FRYL: variants seen among roughly 807,000 people sequenced by gnomAD.
FRYL encodes FRY like transcription coactivator.
FRYL carries 150 observed loss-of-function variants against 351.2 expected under a neutral mutation model. The ratio of observed to expected loss-of-function variants is 0.43; its 90% CI spans 0.37 to 0.49. The LOEUF is 0.49. Ranked by LOEUF, FRYL falls within the 20% of genes least tolerant of loss-of-function variation. FRYL has a pLI of 0.00. For missense variants in FRYL, 3,036 were observed against 3,619.3 expected (o/e 0.84, Z 4.13); for synonymous variants, 1,153 against 1,257.1 (o/e 0.92, Z 1.75).
Position 48,557,642 on chromosome 4 carries a change from C to T in FRYL, c.3936G>A (p.Trp1312Ter). 1 of 1,614,136 alleles carries T rather than the reference C, an allele frequency of 6.2e-7. No individual in the cohort carries two copies. The highest frequency in any genetic ancestry group is 8.5e-7 in the Non-Finnish European group (1 of 1,180,022). Residue 1312 changes from tryptophan (W) to a stop codon, truncating the protein, a stop_gained, in exon 34 of 64, where the codon TGG (tryptophan) becomes TGA (stop). Transcript: ENST00000358350. LOFTEE classifies it high-confidence loss of function. ...RQVMLHYLLP[W>*]MNNIELVDLK... is the part of the protein sequence containing the mutation. ...AGTCCACCAGCTCGATGTTGTTCATCCATGGTAGCAGGTAGTGCAGCATCA... is the reference window on the plus strand; with the variant it reads ...AGTCCACCAGCTCGATGTTGTTCATTCATGGTAGCAGGTAGTGCAGCATCA...
chr4:48,652,604 A>G (rs1410515423), intron 3 of FRYL, among the ~76,000 whole-genome samples: 1 of 152,226 alleles, frequency 6.6e-6, no homozygotes. Context: ...AAAGAAATAT[A>G]GGGATTGTAA....
intron 50 of FRYL, among the ~76,000 whole-genome samples, chr4:48,529,097 C>T (rs1465358593): frequency 6.6e-6 from 1 of 152,176 alleles, no homozygotes; most frequent in Admixed American, 6.5e-5. Context: ...ACACACCATG[C>T]TCTTTTATAG....
intron 27 of FRYL, among the ~76,000 whole-genome samples, chr4:48,569,770 C>A (rs1262021635): frequency 6.6e-6 from 1 of 152,138 alleles, no homozygotes; most frequent in East Asian, 1.9e-4. Context: ...TAATGCTGTG[C>A]AGTTATCATA....
intron 11 of FRYL, 41 bp from the exon 12 acceptor site, chr4:48,603,429 GTTAGA>G (rs751681254): frequency 8.1e-7 from 1 of 1,241,914 alleles, no homozygotes; most frequent in Non-Finnish European, 1.2e-6. Context: ...TGATACAGAT[GTTAGA>G]TTAAACTATA....
intron 16 of FRYL, among the ~76,000 whole-genome samples, chr4:48,591,165 AG>A (rs1743166555): frequency 6.6e-6 from 1 of 152,108 alleles, no homozygotes; most frequent in Non-Finnish European, 1.5e-5. Flanking sequence ...ACTTCACAGA[AG>A]AAAAAAAATC....
intron 59 of FRYL, among the ~76,000 whole-genome samples, chr4:48,507,078 C>A (rs565182330): frequency 2.0e-5 from 3 of 152,126 alleles, no homozygotes; most frequent in Non-Finnish European, 4.4e-5. Context: ...TATGCCTTAT[C>A]TTGTCCAGTT....
chr4:48,673,437 C>A (rs1257636833), intron 3 of FRYL, among the ~76,000 whole-genome samples: 1 of 151,966 alleles, frequency 6.6e-6, no homozygotes, highest in Non-Finnish European at 1.5e-5. Context: ...AATGCAGAGG[C>A]TATTCACAGA....
chr4:48,656,471 T>A (rs1029987264), intron 3 of FRYL, among the ~76,000 whole-genome samples: 1 of 131,580 alleles, frequency 7.6e-6, no homozygotes, highest in Non-Finnish European at 1.5e-5. Context: ...GTACATATAA[T>A]GTATATAGTA....
chr4:48,540,420 G>A lies in FRYL; in HGVS notation c.6228C>T (p.Thr2076=), dbSNP rs1338954647. Reference sequence around the variant, plus strand: ...AAATGAGTTTACTGAGGAGGTGCACGGTCATTTCTTGTGTAGATGCTGAGG... The same window carrying A: ...AAATGAGTTTACTGAGGAGGTGCACAGTCATTTCTTGTGTAGATGCTGAGG... ...GFTSASTQEM[T]VHLLSKLISV... Residue 2076 remains threonine, a synonymous_variant, in exon 46 of 64, where the codon ACC becomes ACT. Transcript: ENST00000358350. The A allele has an allele frequency of 6.8e-6, 11 of 1,613,730 alleles. No individual in the cohort carries two copies. The highest frequency in any genetic ancestry group is 3.3e-5 in the South Asian group (3 of 91,076).
At chr4:48,723,938 T>A (rs900673013) in intron 1 of FRYL, among the ~76,000 whole-genome samples, 32 of 95,780 alleles carry the variant, frequency 3.3e-4, no homozygotes, top group Admixed American at 7.4e-4. Flanking sequence ...AAAAAATAAA[T>A]AAAATAATAA....
chr4:48,753,715 A>G (rs946701922), intron 1 of FRYL, among the ~76,000 whole-genome samples: 3 of 150,878 alleles, frequency 2.0e-5, no homozygotes, highest in African/African-American at 7.4e-5. Context: ...TGCCTAACCC[A>G]AAGTCAACCA....
chr4:48,563,418 C>T (rs1351902033), intron 31 of FRYL, among the ~76,000 whole-genome samples: 2 of 151,972 alleles, frequency 1.3e-5, no homozygotes, highest in Non-Finnish European at 2.9e-5. Flanking sequence ...CTCTGTGGAT[C>T]AAAAATATGA....
At position 48,595,884 on chromosome 4, in the gene FRYL, C is replaced by T. The variant is rs938200890; in HGVS notation, c.1139+13G>A. 6.7e-7 allele frequency: 1 copy of T among 1,503,758 alleles called. No homozygotes were observed. 93.2% of individuals were successfully genotyped at this position (1,503,758 alleles called of 1,614,324 possible). ...AATTTATTTTTAATGCACTTTAAAGCAAAGATACTCACCTTTGAGTTACAG... is the reference window on the plus strand; with the variant it reads ...AATTTATTTTTAATGCACTTTAAAGTAAAGATACTCACCTTTGAGTTACAG... On this transcript the variant is annotated intron_variant, in intron 14 of 63. Coordinates refer to ENST00000358350, the MANE Select transcript of FRYL (RefSeq NM_015030.2).
intron 7 of FRYL, among the ~76,000 whole-genome samples, chr4:48,615,533 G>A (rs1385590224): frequency 2.6e-5 from 4 of 152,138 alleles, no homozygotes; most frequent in Non-Finnish European, 5.9e-5. Context: ...ATGTGATATT[G>A]CTGTTTAAAC....
chr4:48,556,302 T>C (rs535379316), intron 35 of FRYL, among the ~76,000 whole-genome samples: 1 of 152,378 alleles, frequency 6.6e-6, no homozygotes, highest in African/African-American at 2.4e-5. Flanking sequence ...CAAAGACATG[T>C]GAGCATGTGT....
At chr4:48,543,573 G>C (rs964657063) in intron 44 of FRYL, among the ~76,000 whole-genome samples, 16 of 152,142 alleles carry the variant, frequency 1.1e-4, no homozygotes, top group Non-Finnish European at 1.8e-4. Flanking sequence ...GGTGTTGTGT[G>C]AGTGGGCGAG....
intron 19 of FRYL, among the ~76,000 whole-genome samples, chr4:48,583,430 C>T (rs1578220274): frequency 1.3e-5 from 2 of 152,196 alleles, no homozygotes; most frequent in Admixed American, 6.5e-5. Flanking sequence ...GGATTACGGG[C>T]GTGAGCCACC....
At chr4:48,566,861 G>C (rs1212274923) in intron 28 of FRYL, among the ~76,000 whole-genome samples, 1 of 152,048 alleles carries the variant, frequency 6.6e-6, no homozygotes, top group Non-Finnish European at 1.5e-5. Context: ...CGGTATCCTT[G>C]TTACATTTTG....
chr4:48,678,290 A>C (rs985900621), intron 3 of FRYL, among the ~76,000 whole-genome samples: 2 of 151,780 alleles, frequency 1.3e-5, no homozygotes, highest in African/African-American at 4.8e-5. Context: ...GGTTGAAAAA[A>C]TTAACTCTAG....
Sources: allele counts gnomAD v4.1 joint callset (sites outside exome capture counted in the v4.1 genomes callset), GRCh38; gene constraint gnomAD v4.1.1; transcripts MANE v1.5; gene names NCBI Gene and HGNC (gene_info 2026-07-23, HGNC 2026-07-21).